Variants in MTA3 observed in about 807,000 individuals in gnomAD.
MTA3 encodes metastasis-associated protein MTA3.
A neutral mutation model predicts 83.5 loss-of-function variants in MTA3; 34 were observed. That is an observed-to-expected ratio of 0.41 (90% CI 0.31 to 0.54). The LOEUF is 0.54. MTA3 is among the 20% of genes least tolerant of loss of function. The probability of loss-of-function intolerance (pLI) is 0.33; values close to 1 mark genes in which losing one functional copy is unlikely to be tolerated. For missense variants in MTA3, 761 were observed against 726.4 expected (o/e 1.05, Z -0.55); for synonymous variants, 303 against 252.7 (o/e 1.20, Z -1.89).
chr2:42,534,463 G>T (rs982582645), intron 2 of MTA3, among the ~76,000 whole-genome samples: 6 of 152,124 alleles, frequency 3.9e-5, no homozygotes, highest in Non-Finnish European at 7.3e-5. Flanking sequence ...CAGGAGTGGT[G>T]GTGAGCACCT....
intron 8 of MTA3, among the ~76,000 whole-genome samples, chr2:42,668,478 A>G (rs1249293744): frequency 6.6e-6 from 1 of 152,158 alleles, no homozygotes; most frequent in East Asian, 1.9e-4. Flanking sequence ...CCCACATGAC[A>G]TCAACTTGAG....
intron 3 of MTA3, among the ~76,000 whole-genome samples, chr2:42,596,538 C>T (rs1681809307): frequency 6.6e-6 from 1 of 152,070 alleles, no homozygotes; most frequent in African/African-American, 2.4e-5. Context: ...TATTATTTGA[C>T]AAGTTAATTA....
intron 2 of MTA3, among the ~76,000 whole-genome samples, chr2:42,577,774 C>T (rs982492366): frequency 2.6e-5 from 4 of 152,060 alleles, no homozygotes; most frequent in Admixed American, 6.6e-5. Flanking sequence ...CCACCGCACC[C>T]GGCCTGGATT....
At chr2:42,582,803 A>T (rs941631019) in intron 3 of MTA3, among the ~76,000 whole-genome samples, 2 of 152,166 alleles carry the variant, frequency 1.3e-5, no homozygotes, top group African/African-American at 4.8e-5. Context: ...GCCTGTTGGT[A>T]TTAACTCGTA....
intron 4 of MTA3, among the ~76,000 whole-genome samples, chr2:42,627,309 C>T (rs531298546): frequency 6.6e-6 from 1 of 152,132 alleles, no homozygotes; most frequent in South Asian, 2.1e-4. Context: ...AACTCCTGGC[C>T]TCAAGTGATC....
chr2:42,541,123 C>T (rs1676501005), intron 2 of MTA3, among the ~76,000 whole-genome samples: 1 of 151,904 alleles, frequency 6.6e-6, no homozygotes, highest in African/African-American at 2.4e-5. Context: ...CCTCCGCCTC[C>T]CAGGTTCAAG....
At chr2:42,495,485 A>AG (rs1306711103) in intron 2 of MTA3, among the ~76,000 whole-genome samples, 1 of 152,228 alleles carries the variant, frequency 6.6e-6, no homozygotes, top group African/African-American at 2.4e-5. Context: ...TTTGCTGTTT[A>AG]GTATCTACTA....
chr2:42,741,342 A>G (rs1383926767), intron 16 of MTA3, among the ~76,000 whole-genome samples: 1 of 152,176 alleles, frequency 6.6e-6, no homozygotes, highest in East Asian at 1.9e-4. Flanking sequence ...TATCATTCAT[A>G]TGTTCACTGG....
chr2:42,542,836 C>T (rs150603249), intron 2 of MTA3, among the ~76,000 whole-genome samples: 210 of 152,148 alleles, frequency 1.4e-3, no homozygotes, highest in African/African-American at 4.5e-3. Flanking sequence ...GGATTACAGG[C>T]GTGACCCACT....
chr2:42,743,414 G>A (rs1446857625), intron 16 of MTA3, among the ~76,000 whole-genome samples: 8 of 152,182 alleles, frequency 5.3e-5, no homozygotes, highest in African/African-American at 1.9e-4. Flanking sequence ...GGGTACTGAA[G>A]CAGGACTCAG....
rs977732346 is a variant in MTA3 at position 42,718,978 on chromosome 2, C to G, written c.1526-10C>G. 2.8e-5 allele frequency: 44 copies of G among 1,545,196 alleles called. No individual in the cohort carries two copies. The Admixed American group carries it at 7.9e-4, about 28-fold the overall frequency. ...TCATTGGTTATCTCCATGTTTCTTT[C>G]TCTCCTCAGATGCAGACAGACATGC... On this transcript the variant is annotated splice_polypyrimidine_tract_variant and intron_variant, in intron 14 of 16. Transcript: ENST00000405094.
intron 4 of MTA3, among the ~76,000 whole-genome samples, chr2:42,624,965 A>G (rs1685932877): frequency 6.6e-6 from 1 of 152,188 alleles, no homozygotes; most frequent in Non-Finnish European, 1.5e-5. Flanking sequence ...CTAAAATTTT[A>G]CAGTGATGCA....
At chr2:42,608,082 G>T (rs1210211649) in intron 3 of MTA3, among the ~76,000 whole-genome samples, 1 of 152,202 alleles carries the variant, frequency 6.6e-6, no homozygotes, top group Non-Finnish European at 1.5e-5. Flanking sequence ...TTGGATTTCA[G>T]TGATTTTGGT....
chr2:42,507,586 A>G (rs1456239867), intron 2 of MTA3, among the ~76,000 whole-genome samples: 1 of 151,636 alleles, frequency 6.6e-6, no homozygotes. Context: ...TAAACCTTTC[A>G]TCTTTTTTTT....
intron 5 of MTA3, 22 bp downstream of exon 5, chr2:42,640,258 T>C (rs1687589552): frequency 6.4e-7 from 1 of 1,559,122 alleles, no homozygotes; most frequent in East Asian, 2.3e-5. Flanking sequence ...TCATAGTTGT[T>C]TTGTTTTTTT....
At chr2:42,663,309 A>C (rs1689910282) in intron 8 of MTA3, among the ~76,000 whole-genome samples, 1 of 152,202 alleles carries the variant, frequency 6.6e-6, no homozygotes, top group African/African-American at 2.4e-5. Context: ...CAGCTGCAGC[A>C]GCTCACTGCT....
chr2:42,633,342 G>C (rs926136468), intron 4 of MTA3, among the ~76,000 whole-genome samples: 16 of 151,818 alleles, frequency 1.1e-4, no homozygotes, highest in Admixed American at 9.8e-4. Flanking sequence ...CCAGCAATTG[G>C]GGGGCCAAGG....
chr2:42,548,846 A>ATATATATAATATATATATATATAAT (rs1553340715), intron 2 of MTA3, among the ~76,000 whole-genome samples: 1 of 15,064 alleles, frequency 6.6e-5, no homozygotes, highest in Non-Finnish European at 1.2e-4. Context: ...ATATATATAT[A>ATATATATAATATATATATATATAAT]ATATATATAT....
At chr2:42,512,395 C>T (rs1674945401) in intron 2 of MTA3, among the ~76,000 whole-genome samples, 2 of 152,286 alleles carry the variant, frequency 1.3e-5, no homozygotes, top group South Asian at 4.1e-4. Context: ...ACAGCAGGTC[C>T]TCTCCCCAGA....
Sources: allele counts gnomAD v4.1 joint callset (sites outside exome capture counted in the v4.1 genomes callset), GRCh38; gene constraint gnomAD v4.1.1; transcripts MANE v1.5; gene names NCBI Gene and HGNC (gene_info 2026-07-23, HGNC 2026-07-21).